Variants in PRKCH observed in about 807,000 individuals in gnomAD.
PRKCH encodes protein kinase C eta.
Under a neutral mutation model 82.5 loss-of-function variants are expected in PRKCH, and 28 were observed. The ratio of observed to expected loss-of-function variants is 0.34; its 90% confidence interval spans 0.25 to 0.47. The LOEUF (loss-of-function observed/expected upper bound fraction) is 0.47. Among genes scored for constraint, PRKCH ranks in the 20% least tolerant of loss-of-function variants. The probability of loss-of-function intolerance (pLI) is 1.00; values close to 1 mark genes in which losing one functional copy is unlikely to be tolerated. For synonymous variants in PRKCH, 322 were observed against 327.4 expected, an observed-to-expected ratio of 0.98 and a Z score of 0.18; for missense variants, 705 against 881.8, an observed-to-expected ratio of 0.80 and a Z score of 2.54.
intron 7 of PRKCH, chr14:61,456,700 C>T (rs1884780147): frequency 2.0e-5 from 3 of 152,934 alleles, no homozygotes; most frequent in African/African-American, 7.2e-5. Context: ...TCACATTGGA[C>T]TTTTATTTCT....
chr14:61,343,567 T>A (rs1311549287), intron 1 of PRKCH, among the ~76,000 whole-genome samples: 2 of 152,156 alleles, frequency 1.3e-5, no homozygotes, highest in African/African-American at 4.8e-5. Flanking sequence ...GATTTTTTTT[T>A]ATGTAGCACT....
intron 1 of PRKCH, among the ~76,000 whole-genome samples, chr14:61,333,288 T>A (rs1372435715): frequency 2.0e-5 from 3 of 152,188 alleles, no homozygotes; most frequent in African/African-American, 4.8e-5. Context: ...TGCACATATG[T>A]GCATATTGAT....
intron 1 of PRKCH, among the ~76,000 whole-genome samples, chr14:61,300,275 A>G (rs1025210725): frequency 1.6e-4 from 25 of 152,192 alleles, no homozygotes; most frequent in Admixed American, 6.5e-5. Flanking sequence ...TGTAACAGGA[A>G]GGGAATCAAA....
intron 1 of PRKCH, among the ~76,000 whole-genome samples, chr14:61,240,341 G>A (rs1438258570): frequency 6.6e-6 from 1 of 152,104 alleles, no homozygotes; most frequent in East Asian, 1.9e-4. Context: ...ATTTGCACAG[G>A]GCTCAGGGGA....
chr14:61,229,369 G>C (rs1224603750), intron 1 of PRKCH, among the ~76,000 whole-genome samples: 1 of 152,108 alleles, frequency 6.6e-6, no homozygotes, highest in Non-Finnish European at 1.5e-5. Flanking sequence ...GGGTAAAAAA[G>C]GCAAGAAGGC....
chr14:61,465,003 C>A (rs1043181827), intron 9 of PRKCH, among the ~76,000 whole-genome samples: 2 of 152,058 alleles, frequency 1.3e-5, no homozygotes, highest in African/African-American at 2.4e-5. Flanking sequence ...ACATTCCCAC[C>A]ACCTGTTGGC....
chr14:61,453,792 TGCAGGTGTGC>T (rs2140290623), intron 7 of PRKCH, among the ~76,000 whole-genome samples: 1 of 152,112 alleles, frequency 6.6e-6, no homozygotes, highest in Non-Finnish European at 1.5e-5. Flanking sequence ...TAGGTGGGAC[TGCAGGTGTGC>T]ACCACTATGT....
chr14:61,327,050 G>C, intron 1 of PRKCH: 2 of 456,020 alleles, frequency 4.4e-6, no homozygotes, highest in South Asian at 3.1e-5. Context: ...GTCATGGAAA[G>C]ACCTTGGCGC....
chr14:61,346,440 C>A (rs2045993179), intron 1 of PRKCH, among the ~76,000 whole-genome samples: 3 of 152,202 alleles, frequency 2.0e-5, no homozygotes, highest in Admixed American at 6.5e-5. Flanking sequence ...GATAGTGTGT[C>A]ATTTCCCAGT....
chr14:61,342,999 G>T (rs1201055799), intron 1 of PRKCH, among the ~76,000 whole-genome samples: 2 of 152,222 alleles, frequency 1.3e-5, no homozygotes. Context: ...GTCTCTTTCA[G>T]TTTCTCCATG....
chr14:61,338,419 T>C (rs2045886579), intron 1 of PRKCH, among the ~76,000 whole-genome samples: 2 of 152,208 alleles, frequency 1.3e-5, no homozygotes, highest in South Asian at 4.1e-4. Flanking sequence ...AGAGAATGAA[T>C]ATACCAGTAT....
intron 1 of PRKCH, among the ~76,000 whole-genome samples, chr14:61,371,144 T>C (rs909014403): frequency 6.6e-6 from 1 of 152,088 alleles, no homozygotes; most frequent in Admixed American, 6.5e-5. Flanking sequence ...GCAGTTTTTA[T>C]TTAAAAGCAT....
chr14:61,457,438 G>A lies in PRKCH; in HGVS notation c.1105-68G>A, dbSNP rs565353619. 60 of 1,591,626 alleles carry A rather than the reference G, an allele frequency of 3.8e-5. No homozygotes were observed. In the African/African-American group the frequency reaches 6.3e-4, roughly 17 times the overall value. ...TTCTCATGTGCCATTCTTTCTTCCT[G>A]TTGTGTGCACACACCCTAAGACCCC... On this transcript the variant is annotated intron_variant, in intron 8 of 13. Transcript: ENST00000332981.
chr14:61,298,835 C>T (rs1367288927), intron 1 of PRKCH: 4 of 152,012 alleles, frequency 2.6e-5, no homozygotes, highest in Non-Finnish European at 5.9e-5. Flanking sequence ...AAGAATTTGA[C>T]CAAGGGGCAT....
chr14:61,436,304 G>C (rs146612410), intron 2 of PRKCH, among the ~76,000 whole-genome samples: 1 of 152,266 alleles, frequency 6.6e-6, no homozygotes, highest in African/African-American at 2.4e-5. Context: ...TTTGCAGGAT[G>C]GTTGGTGTTT....
Position 61,457,291 on chromosome 14 carries a change from G to T in PRKCH, c.1076G>T (p.Arg359Leu). ...GGTATCGACAACTTTGAGTTCATCC[G>T]AGTGTTGGGGAAGGGGAGTTTTGGG... ...RLGIDNFEFI[R>L]VLGKGSFGKV... Residue 359 changes from arginine to leucine, a missense_variant, in exon 8 of 14, where the codon CGA (arginine) becomes CTA (leucine). Coordinates refer to ENST00000332981, the MANE Select transcript of PRKCH (RefSeq NM_006255.5). 1 of 1,614,172 alleles carries T rather than the reference G, an allele frequency of 6.2e-7. No individual in the cohort carries two copies. Among genetic ancestry groups the T allele is most frequent in the East Asian group, 2.2e-5 (1 of 44,876 alleles).
rs2045010075 is a variant in PRKCH, at chr14:61,257,631, C to CACA, written c.-19+69963_-19+69964insACA. Among the ~76,000 whole-genome samples, 287 of 42,202 alleles carry CACA rather than the reference C, an allele frequency of 6.8e-3. 3 individuals are homozygous for CACA. Among genetic ancestry groups the CACA allele is most frequent in the African/African-American group, 0.02 (244 of 12,048 alleles). The allele number at this position is 42,202 out of a possible 152,430, so 27.7% of individuals were successfully genotyped here. ...CACACACACACACACACACACACAC[C>CACA]CCCACACACACACACACACGCATAC... On this transcript the variant is annotated intron_variant, in intron 1 of 3. Coordinates refer to the PRKCH transcript ENST00000555185.
intron 1 of PRKCH, chr14:61,299,943 G>A (rs1455400032): frequency 1.3e-5 from 2 of 152,058 alleles, no homozygotes; most frequent in African/African-American, 4.8e-5. Flanking sequence ...CATTTCAAAG[G>A]ACAAATAACA....
At chr14:61,436,556 G>A (rs1359001382) in intron 2 of PRKCH, among the ~76,000 whole-genome samples, 1 of 152,120 alleles carries the variant, frequency 6.6e-6, no homozygotes, top group African/African-American at 2.4e-5. Flanking sequence ...TTTTTGAGGT[G>A]GAGTCTCACT....
Sources: gnomAD v4.1 joint callset for allele counts (sites outside exome capture counted in the v4.1 genomes callset) on GRCh38, gnomAD v4.1.1 for gene constraint, MANE v1.5 for transcripts, NCBI Gene and HGNC (gene_info 2026-07-23, HGNC 2026-07-21) for gene names.